TTLL7: variants seen among roughly 807,000 people sequenced by gnomAD.
The protein encoded by TTLL7 is tubulin polyglutamylase TTLL7.
A neutral mutation model predicts 120.2 loss-of-function variants in TTLL7; 53 were observed. The ratio of observed to expected loss-of-function variants is 0.44; its 90% CI spans 0.35 to 0.55. TTLL7 has a LOEUF of 0.55. Ranked by LOEUF, TTLL7 falls within the 20% of genes least tolerant of loss-of-function variation. TTLL7 has a pLI of 0.00. For missense variants in TTLL7, 803 were observed against 1,054.7 expected (o/e 0.76, Z 3.31); for synonymous variants, 353 against 351.7 (o/e 1.00, Z -0.04).
intron 20 of TTLL7, 141 bp downstream of exon 20, chr1:83,882,822 T>C (rs941983918): frequency 1.2e-6 from 1 of 850,414 alleles, no homozygotes; most frequent in Non-Finnish European, 1.8e-6. Flanking sequence ...TAAAAATATT[T>C]TGCAGATAAT....
chr1:83,893,325 T>C (rs996637538), intron 18 of TTLL7, among the ~76,000 whole-genome samples: 2 of 152,020 alleles, frequency 1.3e-5, no homozygotes, highest in East Asian at 1.9e-4. Flanking sequence ...CTAATTCACA[T>C]GTACTTGATA....
At chr1:83,883,276 A>G (rs1654679432) in intron 19 of TTLL7, 140 bp from the exon 20 acceptor site, 1 of 571,524 alleles carries the variant, frequency 1.7e-6, no homozygotes, top group Non-Finnish European at 2.9e-6. Context: ...TGGTTTAAAG[A>G]TATATAATAA....
intron 6 of TTLL7, 69 bp downstream of exon 6, chr1:83,947,055 T>C (rs911515824): frequency 1.3e-5 from 17 of 1,289,528 alleles, no homozygotes; most frequent in Admixed American, 1.0e-4. Context: ...TGAGTAATTA[T>C]GCACATTTAT....
intron 20 of TTLL7, among the ~76,000 whole-genome samples, chr1:83,876,736 AGT>A (rs1284789033): frequency 1.3e-5 from 2 of 152,088 alleles, no homozygotes; most frequent in African/African-American, 4.8e-5. Context: ...GATAAAGAAA[AGT>A]GTAATTGATT....
Position 83,894,436 on chromosome 1 carries a change from T to C in TTLL7, c.2209-3955A>G, listed in dbSNP as rs547191270. ...CATGGAGTATTCATTCATTTCTTTTTAAATACACTTCAAGGGCAACTAACA... is the reference window on the plus strand; with the variant it reads ...CATGGAGTATTCATTCATTTCTTTTCAAATACACTTCAAGGGCAACTAACA... On this transcript the variant is annotated intron_variant, in intron 18 of 20. Transcript: ENST00000260505. 4.6e-5 allele frequency among the ~76,000 whole-genome samples: 7 copies of C among 152,252 alleles called. No homozygotes were observed. The East Asian group carries it at 1.4e-3, about 29-fold the overall frequency.
chr1:83,992,307 C>CA (rs1211696939), intron 1 of TTLL7, among the ~76,000 whole-genome samples: 6 of 151,428 alleles, frequency 4.0e-5, no homozygotes, highest in Non-Finnish European at 8.8e-5. Flanking sequence ...TTATATTTTC[C>CA]AAAAAAATAA....
chr1:83,942,718 T>C (rs939709272), intron 6 of TTLL7, 39 bp from the exon 7 acceptor site: 4 of 1,457,470 alleles, frequency 2.7e-6, no homozygotes, highest in East Asian at 2.3e-5. Context: ...TGATTTGACA[T>C]AGAGCAAGGT....
intron 1 of TTLL7, among the ~76,000 whole-genome samples, chr1:83,990,829 G>T (rs1652928524): frequency 1.3e-5 from 2 of 152,160 alleles, no homozygotes; most frequent in South Asian, 4.1e-4. Context: ...ATATACTCCA[G>T]CAATTTCACT....
intron 6 of TTLL7, 31 bp from the exon 7 acceptor site, chr1:83,942,710 A>T: frequency 6.6e-7 from 1 of 1,517,428 alleles, no homozygotes; most frequent in South Asian, 1.2e-5. Flanking sequence ...TAAAAGAATG[A>T]TTTGACATAG....
chr1:83,881,990 A>G (rs939075625), intron 20 of TTLL7, among the ~76,000 whole-genome samples: 1 of 150,664 alleles, frequency 6.6e-6, no homozygotes, highest in African/African-American at 2.4e-5. Flanking sequence ...TCACAAGAAC[A>G]AAAAACCAAA....
chr1:83,901,087 T>C (rs930200546), intron 18 of TTLL7, among the ~76,000 whole-genome samples: 2 of 152,012 alleles, frequency 1.3e-5, no homozygotes, highest in Non-Finnish European at 1.5e-5. Context: ...CAGAAGGTAT[T>C]GGTTCACTAG....
At chr1:83,940,327 T>C (rs1236198742) in intron 7 of TTLL7, among the ~76,000 whole-genome samples, 1 of 152,212 alleles carries the variant, frequency 6.6e-6, no homozygotes, top group Admixed American at 6.5e-5. Flanking sequence ...CTCTTACCCA[T>C]GCCAATTATT....
intron 1 of TTLL7, among the ~76,000 whole-genome samples, chr1:83,972,914 G>C (rs1251690118): frequency 3.3e-5 from 5 of 151,950 alleles, no homozygotes; most frequent in Admixed American, 2.6e-4. Context: ...CATTGTTTGA[G>C]TTGTTTGTTT....
chr1:83,939,691 T>C (rs191420313), intron 7 of TTLL7, among the ~76,000 whole-genome samples: 38 of 152,282 alleles, frequency 2.5e-4, no homozygotes, highest in Non-Finnish European at 4.6e-4. Flanking sequence ...AACCACTACA[T>C]TGGTAGCAAA....
chr1:83,880,316 G>A (rs1292484871), intron 20 of TTLL7: 1 of 151,992 alleles, frequency 6.6e-6, no homozygotes, highest in Non-Finnish European at 1.5e-5. Context: ...AGAGTTAAAA[G>A]AGGTTAAATG....
In TTLL7 at chr1:83,894,059, T is replaced by C. The variant is rs191439040; in HGVS notation, c.2209-3578A>G. ...TAATTTAAGCTATTAGTTTAACTCT[T>C]TATATTTTTTAGTGTAGAAAGCAGT... On this transcript the variant is annotated intron_variant, in intron 18 of 20. Transcript: ENST00000260505. Among the ~76,000 whole-genome samples, 8 of 152,246 alleles carry C rather than the reference T, an allele frequency of 5.3e-5. No homozygotes were observed. In the East Asian group the frequency reaches 1.4e-3, roughly 26 times the overall value.
chr1:83,876,278 C>CT (rs2100698216), intron 20 of TTLL7, among the ~76,000 whole-genome samples: 1 of 151,898 alleles, frequency 6.6e-6, no homozygotes, highest in South Asian at 2.1e-4. Context: ...TTCCAATGGT[C>CT]TATTTGTCTA....
chr1:83,921,153 C>T lies in TTLL7; in HGVS notation c.1298G>A (p.Arg433Lys). ...GATCTGCTTTCGTACTTGAGCGAGT[C>T]TCTCTTTCTGGAAATGAGAAAAATT... ...LERRKEELKERLAQVRKQISR... is the reference protein window; with the variant it reads ...LERRKEELKEKLAQVRKQISR... The change falls in exon 12 of 21, where the codon AGA (arginine) becomes AAA (lysine). Residue 433 changes from arginine to lysine, a missense_variant. Around this residue, in one of 3 missense-constraint regions of TTLL7, gnomAD observed 324 missense variants for 507.7 expected, o/e 0.64. Coordinates refer to ENST00000260505, the MANE Select transcript of TTLL7 (RefSeq NM_024686.6). 6.2e-7 allele frequency: 1 copy of T among 1,612,222 alleles called. No individual in the cohort carries two copies.
At chr1:83,919,650 ATT>A (rs764589108) in intron 13 of TTLL7, 47 bp downstream of exon 13, 14 of 1,524,762 alleles carry the variant, frequency 9.2e-6, no homozygotes, top group Non-Finnish European at 1.2e-5. Flanking sequence ...GTAAAGACAT[ATT>A]GTTTAGCTTT....
Sources: gnomAD v4.1 joint callset for allele counts (sites outside exome capture counted in the v4.1 genomes callset) on GRCh38, gnomAD v4.1.1 for gene constraint, gnomAD v4.1.1 regional missense constraint, MANE v1.5 for transcripts, NCBI Gene and HGNC (gene_info 2026-07-23, HGNC 2026-07-21) for gene names.